Variants in MOB3B observed in about 807,000 individuals in gnomAD.
MOB3B encodes MOB kinase activator-like 2B.
In MOB3B, 7 loss-of-function variants were observed where a neutral mutation model predicts 18.7. The ratio of observed to expected loss-of-function variants is 0.37; its 90% CI spans 0.21 to 0.70. The LOEUF is 0.70. Among genes scored for constraint, MOB3B ranks in the 30% least tolerant of loss-of-function variants. MOB3B has a pLI of 0.52. For synonymous variants in MOB3B, 111 were observed against 99.9 expected, an observed-to-expected ratio of 1.11 and a Z score of -0.66; for missense variants, 253 against 281.3, an observed-to-expected ratio of 0.90 and a Z score of 0.72.
chr9:27,363,123 G>A (rs1821296816), intron 2 of MOB3B, among the ~76,000 whole-genome samples: 1 of 152,140 alleles, frequency 6.6e-6, no homozygotes, highest in African/African-American at 2.4e-5. Flanking sequence ...CTTTCTTCAT[G>A]GTGCTGCAAA....
chr9:27,378,990 C>T (rs1472066678), intron 2 of MOB3B, among the ~76,000 whole-genome samples: 1 of 152,186 alleles, frequency 6.6e-6, no homozygotes, highest in East Asian at 1.9e-4. Context: ...TCAGAAGGAA[C>T]CCCTTCCTTT....
At chr9:27,341,956 G>C (rs1820948683) in intron 3 of MOB3B, among the ~76,000 whole-genome samples, 1 of 151,990 alleles carries the variant, frequency 6.6e-6, no homozygotes, top group Admixed American at 6.6e-5. Context: ...AGCTAAGAGT[G>C]GTTTTTACAT....
chr9:27,330,730 A>T, intron 3 of MOB3B, 114 bp from the exon 4 acceptor site: 1 of 1,464,958 alleles, frequency 6.8e-7, no homozygotes, highest in Non-Finnish European at 9.4e-7. Flanking sequence ...GAAAGCTTGC[A>T]AGCATGGTCC....
chr9:27,504,026 C>A (rs1423850104), intron 1 of MOB3B, among the ~76,000 whole-genome samples: 1 of 152,228 alleles, frequency 6.6e-6, no homozygotes, highest in Non-Finnish European at 1.5e-5. Flanking sequence ...CCCTAATGAA[C>A]CTCCTACTTG....
intron 2 of MOB3B, among the ~76,000 whole-genome samples, chr9:27,380,856 T>G (rs1821568431): frequency 6.6e-6 from 1 of 152,006 alleles, no homozygotes; most frequent in Admixed American, 6.5e-5. Context: ...CTAAATGGCA[T>G]CAACCATTCA....
At chr9:27,353,598 GAAT>G (rs1821139897) in intron 3 of MOB3B, among the ~76,000 whole-genome samples, 1 of 152,176 alleles carries the variant, frequency 6.6e-6, no homozygotes, top group African/African-American at 2.4e-5. Flanking sequence ...CTTGGAGAGA[GAAT>G]GAGAAGGTCC....
chr9:27,399,241 A>C (rs1042502104), intron 2 of MOB3B, among the ~76,000 whole-genome samples: 1 of 152,160 alleles, frequency 6.6e-6, no homozygotes, highest in Non-Finnish European at 1.5e-5. Flanking sequence ...GCCTTATCCC[A>C]CTTCCCAGTG....
At chr9:27,411,889 T>A (rs1031601394) in intron 2 of MOB3B, among the ~76,000 whole-genome samples, 3 of 152,182 alleles carry the variant, frequency 2.0e-5, no homozygotes, top group African/African-American at 7.2e-5. Context: ...TGTGCTGCAC[T>A]AATGCAAGGT....
chr9:27,479,883 T>C (rs1819620624), intron 1 of MOB3B, among the ~76,000 whole-genome samples: 1 of 152,076 alleles, frequency 6.6e-6, no homozygotes, highest in Non-Finnish European at 1.5e-5. Flanking sequence ...TAGTGAGACC[T>C]AGTCTCTACA....
chr9:27,437,802 T>C (rs1364949008), intron 2 of MOB3B, among the ~76,000 whole-genome samples: 3 of 152,222 alleles, frequency 2.0e-5, no homozygotes, highest in African/African-American at 4.8e-5. Flanking sequence ...GGGCTTCAGT[T>C]TTTTATCATG....
chr9:27,469,115 C>A (rs1446399206), intron 1 of MOB3B, among the ~76,000 whole-genome samples: 1 of 152,044 alleles, frequency 6.6e-6, no homozygotes, highest in Non-Finnish European at 1.5e-5. Flanking sequence ...GGGAAGAGAG[C>A]AAGCTAATCA....
intron 1 of MOB3B, among the ~76,000 whole-genome samples, chr9:27,471,072 T>C (rs1427448120): frequency 6.6e-6 from 1 of 152,076 alleles, no homozygotes; most frequent in African/African-American, 2.4e-5. Flanking sequence ...CACTCGGAAA[T>C]GGCAGAAAGA....
chr9:27,443,337 G>A (rs1822623863), intron 2 of MOB3B, among the ~76,000 whole-genome samples: 1 of 152,020 alleles, frequency 6.6e-6, no homozygotes, highest in African/African-American at 2.4e-5. Flanking sequence ...GCTCACTCTG[G>A]GACTGTAGTC....
intron 1 of MOB3B, among the ~76,000 whole-genome samples, chr9:27,500,320 T>C (rs888736840): frequency 1.3e-5 from 2 of 152,092 alleles, no homozygotes; most frequent in African/African-American, 4.8e-5. Context: ...GTCCAAATTA[T>C]AGAAAGCACA....
At chr9:27,516,552 G>GTGTTA (rs1172021577) in intron 1 of MOB3B, among the ~76,000 whole-genome samples, 1 of 152,184 alleles carries the variant, frequency 6.6e-6, no homozygotes, top group African/African-American at 2.4e-5. Flanking sequence ...CTGGATTACA[G>GTGTTA]TGTTATGTTC....
chr9:27,388,541 T>A (rs1260261399), intron 2 of MOB3B, among the ~76,000 whole-genome samples: 3 of 152,188 alleles, frequency 2.0e-5, no homozygotes, highest in African/African-American at 7.2e-5. Flanking sequence ...CAGTGATTTC[T>A]GAGATTTTGG....
At chr9:27,520,159 C>T (rs537792138) in intron 1 of MOB3B, among the ~76,000 whole-genome samples, 1 of 152,288 alleles carries the variant, frequency 6.6e-6, no homozygotes, top group African/African-American at 2.4e-5. Context: ...ATGCCAAATG[C>T]CCCTCAGCTG....
chr9:27,326,455 C>T lies in MOB3B; in HGVS notation c.*4132G>A. The T allele has an allele frequency of 2.5e-6, 1 of 398,532 alleles. No individual in the cohort carries two copies. The allele number at this position is 398,532 out of a possible 1,614,324, so 24.7% of individuals were successfully genotyped here. ...AAAGTGGGACACTAGAAAAGATATA[C>T]TGAAACTCAAAAAGAATACTTCAGC... On this transcript the variant is annotated 3_prime_UTR_variant, in exon 4 of 4. Transcript: ENST00000262244.
chr9:27,471,924 G>A (rs1819478222), intron 1 of MOB3B, among the ~76,000 whole-genome samples: 1 of 152,102 alleles, frequency 6.6e-6, no homozygotes, highest in Non-Finnish European at 1.5e-5. Context: ...GTTAGCAGCG[G>A]GTCTGGCACA....
Sources: allele counts gnomAD v4.1 joint callset (sites outside exome capture counted in the v4.1 genomes callset), GRCh38; gene constraint gnomAD v4.1.1; transcripts MANE v1.5; gene names NCBI Gene and HGNC (gene_info 2026-07-23, HGNC 2026-07-21).